Variants in TMEM45A observed in about 807,000 individuals in gnomAD.
TMEM45A encodes the protein DNA polymerase-transactivated protein 4.
Under a neutral mutation model 32.0 loss-of-function variants are expected in TMEM45A, and 25 were observed. The ratio of observed to expected loss-of-function variants is 0.78; its 90% CI spans 0.57 to 1.09. The LOEUF is 1.09. TMEM45A is among the 50% of genes least tolerant of loss of function. The pLI, the probability that TMEM45A is intolerant of heterozygous loss-of-function variation, is 0.00. For missense variants in TMEM45A, 302 were observed against 325.0 expected, an observed-to-expected ratio of 0.93 and a Z score of 0.54; for synonymous variants, 122 against 114.8, an observed-to-expected ratio of 1.06 and a Z score of -0.40.
chr3:100,572,427 G>T (rs1355777148), intron 5 of TMEM45A: 2 of 151,270 alleles, frequency 1.3e-5, no homozygotes, highest in Admixed American at 6.6e-5. Context: ...CATATCCTTC[G>T]CCCACTTTTT....
chr3:100,550,014 T>C (rs979339194), intron 1 of TMEM45A, among the ~76,000 whole-genome samples: 41 of 127,250 alleles, frequency 3.2e-4, no homozygotes, highest in Admixed American at 8.9e-4. Flanking sequence ...TTGTGAATAA[T>C]GCCACAATAA....
intron 1 of TMEM45A, among the ~76,000 whole-genome samples, chr3:100,511,741 G>C (rs978807508): frequency 6.6e-5 from 10 of 151,900 alleles, no homozygotes; most frequent in African/African-American, 2.4e-4. Context: ...CTCATGTGCA[G>C]AGACACACAT....
chr3:100,537,932 T>G (rs1705775980), intron 1 of TMEM45A, among the ~76,000 whole-genome samples: 1 of 152,216 alleles, frequency 6.6e-6, no homozygotes, highest in Admixed American at 6.5e-5. Flanking sequence ...AACAGCTTTC[T>G]CGTCTGGGTT....
chr3:100,521,838 G>A (rs1014449797), intron 1 of TMEM45A, among the ~76,000 whole-genome samples: 1 of 152,210 alleles, frequency 6.6e-6, no homozygotes, highest in Non-Finnish European at 1.5e-5. Context: ...GCCCCAGTAC[G>A]GCTCTGGGCC....
rs142707873 is a variant in TMEM45A, at chr3:100,529,167, A to G, written c.-3-26042A>G. Among the ~76,000 whole-genome samples the G allele has an allele frequency of 6.5e-4, 99 of 152,334 alleles. 1 individual carries two copies. Among genetic ancestry groups the G allele is most frequent in the African/African-American group, 2.3e-3 (96 of 41,592 alleles). ...TGGTTGTGCAGGGGGATTTAAAATC[A>G]GAGAACATGAAGAAATTAAAAATGA... On this transcript the variant is annotated intron_variant, in intron 1 of 5. Transcript: ENST00000323523.
chr3:100,538,270 A>G (rs888367469), intron 1 of TMEM45A, among the ~76,000 whole-genome samples: 1 of 152,188 alleles, frequency 6.6e-6, no homozygotes, highest in Non-Finnish European at 1.5e-5. Context: ...TCATAGGATA[A>G]AGTTTAAATT....
intron 1 of TMEM45A, among the ~76,000 whole-genome samples, chr3:100,520,446 A>G (rs1705412429): frequency 6.6e-6 from 1 of 152,172 alleles, no homozygotes; most frequent in Non-Finnish European, 1.5e-5. Flanking sequence ...CTATGTTAAG[A>G]TGCTAGTAGA....
intron 1 of TMEM45A, among the ~76,000 whole-genome samples, chr3:100,547,627 G>T (rs1706005666): frequency 6.6e-6 from 1 of 152,042 alleles, no homozygotes; most frequent in African/African-American, 2.4e-5. Context: ...CTGACTTGGG[G>T]GTGGCAGAGG....
chr3:100,502,822 A>G (rs1708023766), intron 1 of TMEM45A, among the ~76,000 whole-genome samples: 1 of 152,202 alleles, frequency 6.6e-6, no homozygotes, highest in Non-Finnish European at 1.5e-5. Context: ...GTTAGCAAGG[A>G]AGAAAAAAAT....
At chr3:100,541,572 C>G (rs1404353851) in intron 1 of TMEM45A, among the ~76,000 whole-genome samples, 1 of 144,110 alleles carries the variant, frequency 6.9e-6, no homozygotes, top group African/African-American at 2.6e-5. Context: ...TCCTGTCACC[C>G]AGGCTGGAGT....
chr3:100,562,994 C>T (rs940214223), intron 4 of TMEM45A, among the ~76,000 whole-genome samples: 1 of 152,164 alleles, frequency 6.6e-6, no homozygotes, highest in Non-Finnish European at 1.5e-5. Context: ...GCTGTAGTAA[C>T]AGATCCCTAC....
At chr3:100,549,334 C>T (rs946588203) in intron 1 of TMEM45A, among the ~76,000 whole-genome samples, 1 of 152,196 alleles carries the variant, frequency 6.6e-6, no homozygotes. Context: ...GGATTATCTT[C>T]TTATGCCTTA....
At chr3:100,500,853 C>T (rs1707999900) in intron 1 of TMEM45A, among the ~76,000 whole-genome samples, 1 of 152,192 alleles carries the variant, frequency 6.6e-6, no homozygotes, top group African/African-American at 2.4e-5. Context: ...GGTGGTATGC[C>T]TGCACCTTTC....
intron 1 of TMEM45A, among the ~76,000 whole-genome samples, chr3:100,513,547 T>C (rs1055139508): frequency 2.0e-5 from 3 of 150,804 alleles, no homozygotes; most frequent in Non-Finnish European, 4.4e-5. Context: ...CTGGAAGCAT[T>C]CCCTTTGAAA....
At chr3:100,555,013 T>C (rs2148981052) in intron 1 of TMEM45A, among the ~76,000 whole-genome samples, 196 bp from the exon 2 acceptor site, 1 of 152,366 alleles carries the variant, frequency 6.6e-6, no homozygotes, top group Non-Finnish European at 1.5e-5. Flanking sequence ...TGTGAGTTTT[T>C]ATTTTGTTTT....
chr3:100,507,611 G>T (rs1367251755), intron 1 of TMEM45A, among the ~76,000 whole-genome samples: 1 of 148,962 alleles, frequency 6.7e-6, no homozygotes, highest in Non-Finnish European at 1.5e-5. Context: ...AATGGCTATT[G>T]TACCATGGAT....
At chr3:100,576,274 C>A (rs1706683271) in intron 5 of TMEM45A, among the ~76,000 whole-genome samples, 1 of 152,120 alleles carries the variant, frequency 6.6e-6, no homozygotes, top group Admixed American at 6.5e-5. Flanking sequence ...GATGGTGAAA[C>A]CCCATCTCTA....
intron 3 of TMEM45A, 84 bp downstream of exon 3, chr3:100,557,056 C>G: frequency 7.0e-7 from 1 of 1,420,808 alleles, no homozygotes; most frequent in Middle Eastern, 2.3e-4. Flanking sequence ...CCTCTGGCAT[C>G]TTGTTGCAGC....
chr3:100,523,102 A>G (rs905641645), intron 1 of TMEM45A, among the ~76,000 whole-genome samples: 3 of 152,184 alleles, frequency 2.0e-5, no homozygotes, highest in African/African-American at 7.2e-5. Context: ...TTCTGGGGTT[A>G]TTTCACATGA....
Sources: gnomAD v4.1 joint callset for allele counts (sites outside exome capture counted in the v4.1 genomes callset) on GRCh38, gnomAD v4.1.1 for gene constraint, MANE v1.5 for transcripts, NCBI Gene and HGNC (gene_info 2026-07-23, HGNC 2026-07-21) for gene names.